Variants in CDH19 observed in about 807,000 individuals in gnomAD.
CDH19 encodes cadherin-19.
In CDH19, 67 loss-of-function variants were observed where a neutral mutation model predicts 64.2. The ratio of observed to expected loss-of-function variants is 1.04; its 90% CI spans 0.86 to 1.28. The LOEUF (loss-of-function observed/expected upper bound fraction) is 1.28. Ranked by LOEUF, CDH19 falls within the 50% of genes most tolerant of loss-of-function variation. The pLI is 0.00. For missense variants in CDH19, 1,030 were observed against 929.0 expected (o/e 1.11, Z -1.41); for synonymous variants, 346 against 319.3 (o/e 1.08, Z -0.89).
chr18:66,547,224 G>A (rs1273690892), intron 5 of CDH19, among the ~76,000 whole-genome samples: 1 of 152,126 alleles, frequency 6.6e-6, no homozygotes, highest in Non-Finnish European at 1.5e-5. Context: ...CTAAGGCAGA[G>A]ACAACAGCAT....
chr18:66,556,489 T>A (rs1044749351), intron 3 of CDH19, among the ~76,000 whole-genome samples: 10 of 151,934 alleles, frequency 6.6e-5, no homozygotes, highest in Non-Finnish European at 1.3e-4. Flanking sequence ...GAACTTTTTT[T>A]AGATTCCACA....
rs542625661 is a variant in CDH19, at chr18:66,529,939, G to A, written c.1364C>T (p.Pro455Leu). The change falls in exon 9 of 12, where the codon CCA becomes CTA. Residue 455 changes from proline to leucine, a missense_variant. Transcript: ENST00000262150. Reference sequence around the variant, plus strand: ...GATGTTAAGAACTTGCACATACAGTGGGATCGAAGAGATCTGTTCTATATT... The same window carrying A: ...GATGTTAAGAACTTGCACATACAGTAGGATCGAAGAGATCTGTTCTATATT... ...KYNIEQISSI[P>L]LYVQVLNIND... is the part of the protein sequence containing the mutation. 3.9e-6 allele frequency: 6 copies of A among 1,558,122 alleles called. No homozygotes were observed. The East Asian group carries it at 6.9e-5, about 18-fold the overall frequency.
intron 9 of CDH19, among the ~76,000 whole-genome samples, chr18:66,512,398 G>A (rs1312324999): frequency 6.6e-6 from 1 of 151,482 alleles, no homozygotes; most frequent in Non-Finnish European, 1.5e-5. Context: ...AGATCACATA[G>A]TGAGATTGTG....
chr18:66,590,049 T>C (rs1280611252), intron 1 of CDH19, among the ~76,000 whole-genome samples: 2 of 151,932 alleles, frequency 1.3e-5, no homozygotes, highest in African/African-American at 4.8e-5. Flanking sequence ...TTTAAATAAA[T>C]ATGTAGACAA....
chr18:66,573,887 C>T (rs1988184287), intron 1 of CDH19, among the ~76,000 whole-genome samples: 1 of 132,674 alleles, frequency 7.5e-6, no homozygotes, highest in South Asian at 2.6e-4. Flanking sequence ...ATTTTAACCA[C>T]TGAAGCCACA....
intron 11 of CDH19, 135 bp downstream of exon 11, chr18:66,508,860 C>A (rs1985330177): frequency 3.2e-6 from 3 of 934,530 alleles, no homozygotes; most frequent in Non-Finnish European, 4.7e-6. Flanking sequence ...CACAGACCCA[C>A]ATTATAATGC....
At chr18:66,529,741 G>A (rs1292061634) in intron 9 of CDH19, 104 bp downstream of exon 9, 1 of 352,342 alleles carries the variant, frequency 2.8e-6, no homozygotes, top group African/African-American at 2.3e-5. Flanking sequence ...TATTAAAGAT[G>A]TTGATATCTA....
At chr18:66,527,229 A>G (rs1338108009) in intron 9 of CDH19, among the ~76,000 whole-genome samples, 1 of 151,952 alleles carries the variant, frequency 6.6e-6, no homozygotes, top group African/African-American at 2.4e-5. Flanking sequence ...ATTTTGAACT[A>G]TATCCATGTG....
intron 1 of CDH19, among the ~76,000 whole-genome samples, chr18:66,573,100 A>C (rs1315717400): frequency 6.6e-6 from 1 of 151,668 alleles, no homozygotes; most frequent in East Asian, 1.9e-4. Flanking sequence ...CTTTCCATTG[A>C]CCCAAGGCTC....
chr18:66,591,444 G>A (rs1159057244), intron 1 of CDH19, among the ~76,000 whole-genome samples: 3 of 151,774 alleles, frequency 2.0e-5, no homozygotes, highest in South Asian at 2.1e-4. Context: ...GATTGAAAAC[G>A]GGAAATATTT....
chr18:66,536,912 T>C (rs1986696767), intron 7 of CDH19, among the ~76,000 whole-genome samples: 1 of 151,850 alleles, frequency 6.6e-6, no homozygotes. Context: ...TGTAAACAGC[T>C]GACTTATTTA....
chr18:66,533,738 A>AT (rs1049145437), intron 8 of CDH19, among the ~76,000 whole-genome samples: 2 of 151,964 alleles, frequency 1.3e-5, no homozygotes, highest in African/African-American at 2.4e-5. Flanking sequence ...GAAAAAAAAA[A>AT]TTTTTAAATG....
At chr18:66,603,001 A>C (rs1989075124) in intron 1 of CDH19, among the ~76,000 whole-genome samples, 1 of 151,162 alleles carries the variant, frequency 6.6e-6, no homozygotes, top group African/African-American at 2.4e-5. Flanking sequence ...CTAAAACATA[A>C]ATATATATTA....
At chr18:66,557,319 A>G (rs1383576675) in intron 3 of CDH19, among the ~76,000 whole-genome samples, 1 of 151,996 alleles carries the variant, frequency 6.6e-6, no homozygotes, top group Non-Finnish European at 1.5e-5. Context: ...GACATGCCAG[A>G]GCAGGTGAAC....
intron 1 of CDH19, among the ~76,000 whole-genome samples, chr18:66,595,455 A>G (rs77414841): frequency 6.6e-6 from 1 of 150,730 alleles, no homozygotes; most frequent in South Asian, 2.1e-4. Context: ...GAAAAAAAAA[A>G]GGATCCAAAT....
At chr18:66,518,789 T>C (rs1291183872) in intron 9 of CDH19, among the ~76,000 whole-genome samples, 3 of 152,182 alleles carry the variant, frequency 2.0e-5, no homozygotes, top group Non-Finnish European at 4.4e-5. Context: ...ATAGTCTCAG[T>C]ATTATTAAGC....
intron 3 of CDH19, among the ~76,000 whole-genome samples, chr18:66,560,087 T>C (rs553131735): frequency 1.3e-5 from 2 of 152,036 alleles, no homozygotes; most frequent in Non-Finnish European, 2.9e-5. Context: ...CAGGTTGGAG[T>C]GCAATGGCGT....
At chr18:66,565,274 C>T (rs903456771) in intron 3 of CDH19, among the ~76,000 whole-genome samples, 12 of 151,768 alleles carry the variant, frequency 7.9e-5, no homozygotes, top group Non-Finnish European at 1.3e-4. Context: ...CAGTAAAAGC[C>T]CATCATTACT....
In CDH19 at chr18:66,502,450, A is replaced by G. The variant is rs565494999; in HGVS notation, c.*2362T>C. The stretch of plus-strand genomic sequence containing the variant: ...GTTTATCCAAATGTATTCATTGTTT[A>G]TAAGGCTTTTATTCATACAAAATTT... On this transcript the variant is annotated 3_prime_UTR_variant, in exon 12 of 12. Coordinates refer to ENST00000262150, the MANE Select transcript of CDH19 (RefSeq NM_021153.4). The G allele has an allele frequency of 3.3e-5, 5 of 152,126 alleles. No individual in the cohort carries two copies. Among genetic ancestry groups the G allele is most frequent in the African/African-American group, 9.6e-5 (4 of 41,576 alleles). The allele number at this position is 152,126 out of a possible 1,614,324, so 9.4% of individuals were successfully genotyped here.
Sources: allele counts gnomAD v4.1 joint callset (sites outside exome capture counted in the v4.1 genomes callset), GRCh38; gene constraint gnomAD v4.1.1; transcripts MANE v1.5; gene names NCBI Gene and HGNC (gene_info 2026-07-23, HGNC 2026-07-21).